Variants in CDC14A observed in about 807,000 individuals in gnomAD.
CDC14A encodes dual specificity protein phosphatase CDC14A.
A neutral mutation model predicts 74.4 loss-of-function variants in CDC14A; 53 were observed. The ratio of observed to expected loss-of-function variants is 0.71; its 90% confidence interval spans 0.57 to 0.89. The LOEUF (loss-of-function observed/expected upper bound fraction) is 0.89, where lower values mean the gene tolerates loss of function less well. Among genes scored for constraint, CDC14A ranks in the 40% least tolerant of loss-of-function variants. The probability of loss-of-function intolerance (pLI) is 0.00; values close to 1 mark genes in which losing one functional copy is unlikely to be tolerated. For synonymous variants in CDC14A, 247 were observed against 258.4 expected, an observed-to-expected ratio of 0.96 and a Z score of 0.43; for missense variants, 646 against 713.7, an observed-to-expected ratio of 0.91 and a Z score of 1.08.
At chr1:100,491,358 G>A (rs564737836) in intron 11 of CDC14A, among the ~76,000 whole-genome samples, 1 of 151,670 alleles carries the variant, frequency 6.6e-6, no homozygotes, top group South Asian at 2.1e-4. Context: ...GAATGTTAAT[G>A]TGTGTTGCTT....
intron 2 of CDC14A, among the ~76,000 whole-genome samples, chr1:100,367,278 CATTG>C (rs1225611738): frequency 3.9e-5 from 6 of 152,180 alleles, no homozygotes; most frequent in African/African-American, 1.2e-4. Flanking sequence ...TGATTATTTT[CATTG>C]ATTATCAATT....
chr1:100,351,640 A>T (rs1435452131), upstream of CDC14A: 2 of 977,826 alleles, frequency 2.0e-6, no homozygotes, highest in Admixed American at 2.3e-5. Flanking sequence ...GCGCCCGCCC[A>T]GGCTGGCTCA....
At chr1:100,359,221 C>G (rs769782565) in intron 2 of CDC14A, among the ~76,000 whole-genome samples, 1 of 152,206 alleles carries the variant, frequency 6.6e-6, no homozygotes, top group Non-Finnish European at 1.5e-5. Context: ...GTGGTTTACA[C>G]GCACACATTA....
intron 10 of CDC14A, among the ~76,000 whole-genome samples, chr1:100,483,168 C>T (rs906540384): frequency 3.3e-5 from 5 of 152,140 alleles, no homozygotes; most frequent in Admixed American, 3.3e-4. Context: ...AATTGCCACA[C>T]TGCTTTCCAC....
intron 4 of CDC14A, chr1:100,393,157 T>C: frequency 1.3e-6 from 2 of 1,552,128 alleles, no homozygotes; most frequent in Non-Finnish European, 1.8e-6. Flanking sequence ...GATATCCAAT[T>C]TGACTCCATT....
At chr1:100,414,857 C>CT (rs1245282357) in intron 4 of CDC14A, among the ~76,000 whole-genome samples, 1 of 152,138 alleles carries the variant, frequency 6.6e-6, no homozygotes, top group Non-Finnish European at 1.5e-5. Flanking sequence ...ACATTTTCTC[C>CT]TTTCCCCCAT....
intron 7 of CDC14A, among the ~76,000 whole-genome samples, chr1:100,444,265 T>A (rs1483555424): frequency 6.6e-6 from 1 of 152,186 alleles, no homozygotes; most frequent in South Asian, 2.1e-4. Context: ...CTTCCTTCCC[T>A]CTGACTCAGG....
intron 1 of CDC14A, among the ~76,000 whole-genome samples, chr1:100,347,054 T>A (rs1445408601): frequency 2.0e-5 from 3 of 152,258 alleles, no homozygotes; most frequent in African/African-American, 7.2e-5. Context: ...ATATTTCCTC[T>A]AAATATCTTG....
chr1:100,385,330 A>C (rs1254109562), intron 3 of CDC14A, among the ~76,000 whole-genome samples: 2 of 152,228 alleles, frequency 1.3e-5, no homozygotes, highest in Non-Finnish European at 2.9e-5. Context: ...TTAGAAATGT[A>C]AATTCTCAGG....
chr1:100,503,395 T>C (rs1278336625), intron 15 of CDC14A, among the ~76,000 whole-genome samples: 3 of 152,120 alleles, frequency 2.0e-5, no homozygotes, highest in African/African-American at 7.2e-5. Flanking sequence ...ACCCAGAAAC[T>C]CTTAGGGGAT....
chr1:100,417,333 T>C (rs901339222), intron 4 of CDC14A, among the ~76,000 whole-genome samples: 3 of 152,224 alleles, frequency 2.0e-5, no homozygotes, highest in African/African-American at 4.8e-5. Flanking sequence ...AGCTCCATAA[T>C]GGAGATTTCA....
At chr1:100,492,167 T>G (rs558522584) in intron 11 of CDC14A, among the ~76,000 whole-genome samples, 1 of 152,328 alleles carries the variant, frequency 6.6e-6, no homozygotes, top group East Asian at 1.9e-4. Flanking sequence ...GAAAAATACA[T>G]GCAAAGTAAT....
intron 2 of CDC14A, among the ~76,000 whole-genome samples, chr1:100,376,232 C>T (rs1443647811): frequency 6.6e-6 from 1 of 152,082 alleles, no homozygotes; most frequent in African/African-American, 2.4e-5. Context: ...AACACACCAA[C>T]ATGGCACATG....
At chr1:100,412,693 G>GTT (rs1359316631) in intron 4 of CDC14A, among the ~76,000 whole-genome samples, 1,547 of 52,222 alleles carry the variant, frequency 0.03, 68 homozygotes, top group African/African-American at 0.082. Context: ...CTTCCTGTAT[G>GTT]TTTTATATAT....
chr1:100,365,888 C>T (rs913847769), intron 2 of CDC14A, among the ~76,000 whole-genome samples: 4 of 151,520 alleles, frequency 2.6e-5, no homozygotes, highest in African/African-American at 7.3e-5. Flanking sequence ...GATAGGGAAA[C>T]TGTTAGGTAA....
At chr1:100,372,710 A>C (rs1432225691) in intron 2 of CDC14A, among the ~76,000 whole-genome samples, 3 of 152,214 alleles carry the variant, frequency 2.0e-5, no homozygotes. Context: ...CCTCAATAGC[A>C]TTCATGAGCG....
intron 10 of CDC14A, 95 bp downstream of exon 10, chr1:100,468,189 TA>T (rs1201423412): frequency 1.4e-6 from 2 of 1,397,108 alleles, no homozygotes; most frequent in Non-Finnish European, 1.0e-6. Flanking sequence ...CCTGTGGTTA[TA>T]AAATGGCTGC....
At chr1:100,491,548 C>CTATATATATATATA (rs67056785) in intron 11 of CDC14A, among the ~76,000 whole-genome samples, 3 of 38,760 alleles carry the variant, frequency 7.7e-5, no homozygotes, top group Non-Finnish European at 1.5e-4. Context: ...CTCTCTCTCT[C>CTATATATATATATA]TATATATATA....
intron 5 of CDC14A, among the ~76,000 whole-genome samples, chr1:100,439,364 T>C (rs921464250): frequency 1.3e-5 from 2 of 152,210 alleles, no homozygotes; most frequent in Admixed American, 6.5e-5. Context: ...GTCTCTCCTA[T>C]CTTTTAAGCT....
Sources: allele counts gnomAD v4.1 joint callset (sites outside exome capture counted in the v4.1 genomes callset), GRCh38; gene constraint gnomAD v4.1.1; transcripts MANE v1.5; gene names NCBI Gene and HGNC (gene_info 2026-07-23, HGNC 2026-07-21).